Variants in NTRK2 observed in about 807,000 individuals in gnomAD.
NTRK2 encodes the protein neurotrophic receptor tyrosine kinase 2, also known as BDNF/NT-3 growth factors receptor.
A neutral mutation model predicts 94.5 loss-of-function variants in NTRK2; 13 were observed. The observed-to-expected ratio is 0.14, with a 90% confidence interval of 0.09 to 0.22. The LOEUF is 0.22. NTRK2 is among the 10% of genes least tolerant of loss of function. The probability of loss-of-function intolerance (pLI) is 1.00; values close to 1 mark genes in which losing one functional copy is unlikely to be tolerated. For synonymous variants in NTRK2, 372 were observed against 407.4 expected (o/e 0.91, Z 1.05); for missense variants, 639 against 1,071.2 (o/e 0.60, Z 5.63).
chr9:84,791,630 G>A (rs1175011289), intron 12 of NTRK2, among the ~76,000 whole-genome samples: 1 of 152,116 alleles, frequency 6.6e-6, no homozygotes, highest in Admixed American at 6.5e-5. Flanking sequence ...CTTGACCACA[G>A]TATTTCTTCT....
rs556985581 is a variant in NTRK2, at chr9:84,744,988, C to G, written c.1211C>G (p.Ala404Gly). Residue 404 changes from alanine (A) to glycine (G), a missense_variant, in exon 11 of 19, where the codon GCG (alanine) becomes GGG (glycine). Around this residue, in one of 5 missense-constraint regions of NTRK2, gnomAD observed 343 missense variants for 571.5 expected, o/e 0.60. Transcript: ENST00000277120. ...DVIYEDYGTA[A>G]NDIGDTTNRS... is the part of the protein sequence containing the mutation. ...CCCACTTAAGATTATGGAACTGCAG[C>G]GAATGACATCGGGGACACCACGAAC... is the stretch of plus-strand genomic sequence containing the variant. The G allele has an allele frequency of 6.2e-7, 1 of 1,613,430 alleles. No homozygotes were observed. The highest frequency in any genetic ancestry group is 2.2e-5 in the East Asian group (1 of 44,866).
At chr9:84,931,673 T>G (rs2078035049) in intron 14 of NTRK2, among the ~76,000 whole-genome samples, 1 of 145,714 alleles carries the variant, frequency 6.9e-6, no homozygotes, top group African/African-American at 2.6e-5. Flanking sequence ...CAAATTTTTC[T>G]CCTGCTTGGA....
chr9:84,778,384 G>A (rs1335321991), intron 12 of NTRK2, among the ~76,000 whole-genome samples: 1 of 152,196 alleles, frequency 6.6e-6, no homozygotes, highest in Non-Finnish European at 1.5e-5. Context: ...GCCTGTAGGT[G>A]CAGTCTGATT....
At chr9:84,769,179 G>A (rs911863965) in intron 12 of NTRK2, among the ~76,000 whole-genome samples, 2 of 152,068 alleles carry the variant, frequency 1.3e-5, no homozygotes, top group Admixed American at 1.3e-4. Context: ...TAAATTGTAC[G>A]TGGTCAAATT....
chr9:84,814,783 G>T, intron 12 of NTRK2: 1 of 1,064,298 alleles, frequency 9.4e-7, no homozygotes, highest in Non-Finnish European at 1.1e-6. Flanking sequence ...GGTCTCTCAG[G>T]GTTGGTGCAT....
chr9:84,862,282 C>A (rs1178431219), intron 13 of NTRK2, among the ~76,000 whole-genome samples: 1 of 152,174 alleles, frequency 6.6e-6, no homozygotes, highest in East Asian at 1.9e-4. Flanking sequence ...AGGGATGATC[C>A]TGCCTGGGCA....
Position 85,021,262 on chromosome 9 carries a change from G to C in NTRK2, c.2342G>C (p.Cys781Ser), listed in dbSNP as rs1369955410. The C allele has an allele frequency of 1.9e-6, 3 of 1,613,870 alleles. No individual in the cohort carries two copies. In the South Asian group the frequency reaches 3.3e-5, roughly 18 times the overall value. Residue 781 changes from cysteine (C) to serine (S), a missense_variant, in exon 19 of 19, where the codon TGT becomes TCT. Physicochemically the swap from Cys to Ser is moderately radical, Grantham distance 112. Transcript: ENST00000277120. ...TTGATCTCCATCCAGGTGATAGAGT[G>C]TATCACTCAGGGCCGAGTCCTGCAG... ...YQLSNNEVIE[C>S]ITQGRVLQRP... is the part of the protein sequence containing the mutation.
intron 12 of NTRK2, among the ~76,000 whole-genome samples, chr9:84,775,648 C>A (rs2066959421): frequency 6.6e-6 from 1 of 152,124 alleles, no homozygotes; most frequent in Non-Finnish European, 1.5e-5. Flanking sequence ...TATTCCTAAT[C>A]AGATATTTAA....
At chr9:84,775,383 C>T (rs1459155219) in intron 12 of NTRK2, among the ~76,000 whole-genome samples, 1 of 152,180 alleles carries the variant, frequency 6.6e-6, no homozygotes, top group Non-Finnish European at 1.5e-5. Context: ...CTTATGCTCA[C>T]ATATTATTTT....
rs777141263 is a variant in NTRK2 at position 84,844,427 on chromosome 9, C to A, written c.1397-16613C>A. 8.2e-4 allele frequency among the ~76,000 whole-genome samples: 125 copies of A among 152,022 alleles called. 1 individual carries two copies. Among genetic ancestry groups the A allele is most frequent in the Non-Finnish European group, 1.3e-3 (90 of 67,980 alleles). ...AGAATTTTTGTAAGGGGAGGGAGGT[C>A]AAATTTTTGTAAGGGGAGGGGAAAA... On this transcript the variant is annotated intron_variant, in intron 12 of 18. Transcript: ENST00000277120.
Position 84,760,636 on chromosome 9 carries a change from C to A in NTRK2, c.1396+8551C>A, listed in dbSNP as rs183224628. On this transcript the variant is annotated intron_variant, in intron 12 of 18. Transcript: ENST00000277120. Reference sequence around the variant, plus strand: ...TAATTTTATTGTCCTCTGAAGAATTCATCACTTTAAATTATTTTGGGGTTT... The same window carrying A: ...TAATTTTATTGTCCTCTGAAGAATTAATCACTTTAAATTATTTTGGGGTTT... Among the ~76,000 whole-genome samples the A allele has an allele frequency of 4.1e-3, 624 of 152,208 alleles. 10 individuals carry two copies. The highest frequency in any genetic ancestry group is 1.7e-3 in the East Asian group (9 of 5,182).
At chr9:84,970,418 T>C (rs1300598600) in intron 17 of NTRK2, among the ~76,000 whole-genome samples, 1 of 151,374 alleles carries the variant, frequency 6.6e-6, no homozygotes, top group Non-Finnish European at 1.5e-5. Context: ...AAAATGGCAA[T>C]AATAATAATA....
chr9:84,866,812 A>C (rs921166926), intron 13 of NTRK2, among the ~76,000 whole-genome samples: 3 of 152,234 alleles, frequency 2.0e-5, no homozygotes, highest in Non-Finnish European at 4.4e-5. Flanking sequence ...AGAACAACCC[A>C]AATGTCCACC....
At chr9:84,960,798 C>G (rs921732409) in intron 17 of NTRK2, among the ~76,000 whole-genome samples, 24 of 152,316 alleles carry the variant, frequency 1.6e-4, no homozygotes, top group African/African-American at 5.3e-4. Context: ...ATCTATGTCT[C>G]TCATTAATAT....
At chr9:84,794,853 C>T (rs1041025626) in intron 12 of NTRK2, among the ~76,000 whole-genome samples, 7 of 152,030 alleles carry the variant, frequency 4.6e-5, no homozygotes, top group African/African-American at 1.4e-4. Flanking sequence ...TATGTGTTTC[C>T]ACCTCTCTAT....
intron 17 of NTRK2, among the ~76,000 whole-genome samples, chr9:84,999,333 T>G (rs770490678): frequency 1.2e-4 from 19 of 152,332 alleles, no homozygotes; most frequent in Non-Finnish European, 2.2e-4. Context: ...CCTCTCTCTT[T>G]TTGTATTGTC....
chr9:84,911,324 T>G (rs1049381409), intron 14 of NTRK2, among the ~76,000 whole-genome samples: 1 of 152,172 alleles, frequency 6.6e-6, no homozygotes, highest in African/African-American at 2.4e-5. Flanking sequence ...CTCTCTCCAC[T>G]TCTGCTTCCT....
At chr9:84,716,237 T>C (rs2061701866) in intron 6 of NTRK2, among the ~76,000 whole-genome samples, 2 of 152,190 alleles carry the variant, frequency 1.3e-5, no homozygotes, top group South Asian at 2.1e-4. Context: ...ACAATTTCAG[T>C]TTTCCACTTT....
intron 12 of NTRK2, among the ~76,000 whole-genome samples, chr9:84,835,302 A>G (rs1587589971): frequency 6.6e-6 from 1 of 152,142 alleles, no homozygotes; most frequent in South Asian, 2.1e-4. Flanking sequence ...ATCAATCATC[A>G]CAGTAGATGT....
Sources: allele counts gnomAD v4.1 joint callset (sites outside exome capture counted in the v4.1 genomes callset), GRCh38; gene constraint gnomAD v4.1.1; regional missense constraint gnomAD v4.1.1; transcripts MANE v1.5; gene names NCBI Gene and HGNC (gene_info 2026-07-23, HGNC 2026-07-21).